The following MITF variants were observed in gnomAD, a reference collection of about 807,000 sequenced individuals.
MITF encodes microphthalmia-associated transcription factor.
In MITF, 17 loss-of-function variants were observed where a neutral mutation model predicts 60.5. The observed-to-expected ratio is 0.28, with a 90% confidence interval of 0.19 to 0.42. The LOEUF (loss-of-function observed/expected upper bound fraction) is 0.42. Among genes scored for constraint, MITF ranks in the 10% least tolerant of loss-of-function variants. The pLI, the probability that MITF is intolerant of heterozygous loss-of-function variation, is 1.00. For synonymous variants in MITF, 260 were observed against 248.5 expected, an observed-to-expected ratio of 1.05 and a Z score of -0.43; for missense variants, 622 against 683.5, an observed-to-expected ratio of 0.91 and a Z score of 1.00.
intron 1 of MITF, among the ~76,000 whole-genome samples, chr3:69,826,515 T>A (rs754155816): frequency 1.3e-4 from 20 of 152,258 alleles, no homozygotes; most frequent in Non-Finnish European, 2.5e-4. Context: ...ACAGTGAGGC[T>A]ATGAACATTC....
intron 1 of MITF, among the ~76,000 whole-genome samples, chr3:69,749,912 A>T (rs1703865121): frequency 6.6e-6 from 1 of 152,204 alleles, no homozygotes; most frequent in Non-Finnish European, 1.5e-5. Flanking sequence ...ATGCTAAATG[A>T]TAGGATTTTG....
In MITF at chr3:69,888,757, G is replaced by T. The variant is rs554565149; in HGVS notation, c.354+9374G>T. ...GATGGAAATGCGCCCTCTTGTTTTT[G>T]TGTTTTTACAAATTCTGAAGGGCCA... is the stretch of plus-strand genomic sequence containing the variant. On this transcript the variant is annotated intron_variant, in intron 2 of 9. Coordinates refer to ENST00000352241, the MANE Select transcript of MITF (RefSeq NM_001354604.2). Among the ~76,000 whole-genome samples, 7 of 152,108 alleles carry T rather than the reference G, an allele frequency of 4.6e-5. No individual in the cohort carries two copies. In the South Asian group the frequency reaches 1.5e-3, roughly 32 times the overall value.
At chr3:69,811,728 T>C (rs1440984808) in intron 1 of MITF, among the ~76,000 whole-genome samples, 1 of 152,192 alleles carries the variant, frequency 6.6e-6, no homozygotes, top group Non-Finnish European at 1.5e-5. Flanking sequence ...CATTATCATC[T>C]GGGAAGCATA....
intron 3 of MITF, chr3:69,938,287 G>C: frequency 2.8e-6 from 4 of 1,409,466 alleles, no homozygotes; most frequent in Non-Finnish European, 3.9e-6. Flanking sequence ...GTGGAGGCGA[G>C]GACACTTTTG....
chr3:69,898,825 G>A (rs1322975452), intron 2 of MITF, among the ~76,000 whole-genome samples: 4 of 152,134 alleles, frequency 2.6e-5, no homozygotes, highest in Non-Finnish European at 4.4e-5. Flanking sequence ...GTAATTTGTT[G>A]AATGAATGGG....
intron 1 of MITF, among the ~76,000 whole-genome samples, chr3:69,744,975 G>A (rs1029299024): frequency 1.3e-5 from 2 of 152,110 alleles, no homozygotes; most frequent in African/African-American, 4.8e-5. Context: ...TATGTACTAT[G>A]TGTGAGCCCC....
At chr3:69,791,938 T>C (rs2062746553) in intron 1 of MITF, among the ~76,000 whole-genome samples, 1 of 152,206 alleles carries the variant, frequency 6.6e-6, no homozygotes, top group East Asian at 1.9e-4. Flanking sequence ...CCAAGACTGG[T>C]GGAGCAGAGG....
At chr3:69,891,454 C>T (rs1197871540) in intron 2 of MITF, among the ~76,000 whole-genome samples, 2 of 152,162 alleles carry the variant, frequency 1.3e-5, no homozygotes, top group East Asian at 1.9e-4. Flanking sequence ...GTAGCCACTG[C>T]GTCCCCTGCG....
In MITF at chr3:69,967,346, A is replaced by G. The variant is rs1027079431; in HGVS notation, c.*2098A>G. 11 of 232,780 alleles carry G rather than the reference A, an allele frequency of 4.7e-5. No homozygotes were observed. Among genetic ancestry groups the G allele is most frequent in the African/African-American group, 2.4e-4 (11 of 45,386 alleles). 14.4% of individuals were successfully genotyped at this position (232,780 alleles called of 1,614,324 possible). A position where few individuals can be genotyped will look rare whatever the true frequency, so the allele number is the denominator to read the frequency against. On this transcript the variant is annotated 3_prime_UTR_variant, in exon 10 of 10. Transcript: ENST00000352241. ...ATCTGCATGAACAGCTAATTGTACCATAGTGTTCATTGATACAATCATAGC... is the reference window on the plus strand; with the variant it reads ...ATCTGCATGAACAGCTAATTGTACCGTAGTGTTCATTGATACAATCATAGC...
Position 69,887,302 on chromosome 3 carries a change from G to A in MITF, c.354+7919G>A, listed in dbSNP as rs573004152. 2.6e-5 allele frequency among the ~76,000 whole-genome samples: 4 copies of A among 152,224 alleles called. 1 individual carries two copies. In the South Asian group the frequency reaches 8.3e-4, roughly 32 times the overall value. ...GTTAGCACGCTTTTGAACAGAGATT[G>A]TGAACATGTGTAAGCAAAATCTAAT... On this transcript the variant is annotated intron_variant, in intron 2 of 9. Transcript: ENST00000352241.
At chr3:69,937,294 C>G (rs189868649) in intron 2 of MITF, 160 of 166,276 alleles carry the variant, frequency 9.6e-4, no homozygotes, top group African/African-American at 3.6e-3. Flanking sequence ...TAATCCACAA[C>G]TAGTTGATTT....
At chr3:69,892,253 T>G (rs2064776475) in intron 2 of MITF, among the ~76,000 whole-genome samples, 1 of 152,258 alleles carries the variant, frequency 6.6e-6, no homozygotes, top group Admixed American at 6.5e-5. Context: ...TAAAAATGAT[T>G]GAAAGCTACT....
In MITF at chr3:69,964,521, G is replaced by C. The variant is rs190896492; in HGVS notation, c.1180-326G>C. Among the ~76,000 whole-genome samples the C allele has an allele frequency of 1.5e-5, 2 of 133,466 alleles. 1 individual carries two copies. Among genetic ancestry groups the C allele is most frequent in the African/African-American group, 5.8e-5 (2 of 34,288 alleles). 87.6% of individuals were successfully genotyped at this position (133,466 alleles called of 152,430 possible). ...TTTAAAAATAGACTTTATTTTTCAG[G>C]ACAGTTTTTGGTTCACAGTAAAATT... On this transcript the variant is annotated intron_variant, in intron 9 of 9. Coordinates refer to ENST00000352241, the MANE Select transcript of MITF (RefSeq NM_001354604.2).
At chr3:69,758,050 TATA>T (rs1642071061) in intron 1 of MITF, among the ~76,000 whole-genome samples, 2 of 146,102 alleles carry the variant, frequency 1.4e-5, no homozygotes, top group African/African-American at 2.5e-5. Context: ...TGTCTATATA[TATA>T]ATACTCTCTT....
chr3:69,802,147 G>A (rs1559639301), intron 1 of MITF, among the ~76,000 whole-genome samples: 1 of 152,168 alleles, frequency 6.6e-6, no homozygotes, highest in Non-Finnish European at 1.5e-5. Context: ...TTAGCTCCCA[G>A]AAGACATTGG....
chr3:69,920,393 T>C (rs909711056), intron 2 of MITF, among the ~76,000 whole-genome samples: 3 of 152,156 alleles, frequency 2.0e-5, no homozygotes, highest in Non-Finnish European at 4.4e-5. Flanking sequence ...GGCTTGCCCG[T>C]GGTTTTCCGG....
chr3:69,873,262 A>G (rs1046746565), intron 1 of MITF, among the ~76,000 whole-genome samples: 1 of 152,120 alleles, frequency 6.6e-6, no homozygotes, highest in Admixed American at 6.5e-5. Flanking sequence ...TCCACCATGC[A>G]TGGTGAAAAA....
intron 1 of MITF, among the ~76,000 whole-genome samples, chr3:69,833,292 G>T (rs531673093): frequency 1.3e-5 from 2 of 152,070 alleles, no homozygotes; most frequent in South Asian, 2.1e-4. Flanking sequence ...TGTTTACATT[G>T]TATGTGGTTG....
chr3:69,962,958 C>G, intron 9 of MITF, among the ~76,000 whole-genome samples: 1 of 152,170 alleles, frequency 6.6e-6, no homozygotes, highest in Admixed American at 6.5e-5. Flanking sequence ...GGCCTCTCTC[C>G]TTGGCTTGTA....
Sources: gnomAD v4.1 joint callset for allele counts (sites outside exome capture counted in the v4.1 genomes callset) on GRCh38, gnomAD v4.1.1 for gene constraint, MANE v1.5 for transcripts, NCBI Gene and HGNC (gene_info 2026-07-23, HGNC 2026-07-21) for gene names.